SLC39A12: variants seen among roughly 807,000 people sequenced by gnomAD.
SLC39A12 encodes the protein solute carrier family 39 member 12, also known as zinc transporter ZIP12.
In SLC39A12, 63 loss-of-function variants were observed where a neutral mutation model predicts 71.1. The observed-to-expected ratio is 0.89, with a 90% CI of 0.72 to 1.09. The LOEUF (loss-of-function observed/expected upper bound fraction) is 1.09. SLC39A12 is among the 50% of genes least tolerant of loss of function. The probability of loss-of-function intolerance (pLI) is 0.00; values close to 1 mark genes in which losing one functional copy is unlikely to be tolerated. For missense variants in SLC39A12, 892 were observed against 812.6 expected (o/e 1.10, Z -1.19); for synonymous variants, 351 against 301.3 (o/e 1.16, Z -1.71).
intron 12 of SLC39A12, among the ~76,000 whole-genome samples, chr10:18,013,166 A>T (rs1836277455): frequency 6.6e-6 from 1 of 151,308 alleles, no homozygotes; most frequent in Non-Finnish European, 1.5e-5. Context: ...ATGATATTAC[A>T]ATAAGTTAAA....
rs575740915 is a variant in SLC39A12 at position 18,029,465 on chromosome 10, T to A, written c.1948-13240T>A. Among the ~76,000 whole-genome samples, 11 of 152,170 alleles carry A rather than the reference T, an allele frequency of 7.2e-5. No individual in the cohort carries two copies. The South Asian group carries it at 2.3e-3, about 32-fold the overall frequency. On this transcript the variant is annotated intron_variant, in intron 12 of 12. Transcript: ENST00000377369. ...AACTCTTTGCACCTACTGATTTAGG[T>A]TGGACAACTTGTGAAACATAGTGGT...
chr10:18,037,917 G>A (rs548914718), intron 12 of SLC39A12, among the ~76,000 whole-genome samples: 70 of 149,728 alleles, frequency 4.7e-4, no homozygotes, highest in South Asian at 8.5e-4. Flanking sequence ...CTACGTGGGC[G>A]ACTGAGGCAG....
chr10:18,037,121 T>A (rs1430451185), intron 12 of SLC39A12, among the ~76,000 whole-genome samples: 1 of 152,088 alleles, frequency 6.6e-6, no homozygotes, highest in African/African-American at 2.4e-5. Context: ...CTTTCCAAAA[T>A]TTTTTGGACC....
At chr10:17,953,941 T>G (rs546247606) in intron 2 of SLC39A12, among the ~76,000 whole-genome samples, 3 of 152,306 alleles carry the variant, frequency 2.0e-5, no homozygotes, top group South Asian at 2.1e-4. Context: ...CAACATTGGG[T>G]TTTTGAGTAC....
Position 18,003,194 on chromosome 10 carries a change from TC to T in SLC39A12, c.1784del (p.Ser595LeufsTer5). 6.2e-7 allele frequency: 1 copy of T among 1,614,102 alleles called. No individual in the cohort carries two copies. Among genetic ancestry groups the T allele is most frequent in the Non-Finnish European group, 8.5e-7 (1 of 1,180,010 alleles). ...AGGAGACTTTGCCGTGCTCTTAAGCTCTGGACTTTCTATGAAGACTGCCATC... is the reference window on the plus strand; with the variant it reads ...AGGAGACTTTGCCGTGCTCTTAAGCTTGGACTTTCTATGAAGACTGCCATC... ...EMGDFAVLLSSGLSMKTAILM... is the reference protein window; with the variant it reads ...EMGDFAVLLSXGLSMKTAILM... On this transcript the variant is annotated frameshift_variant, in exon 12 of 13. Coordinates refer to ENST00000377369, the MANE Select transcript of SLC39A12 (RefSeq NM_001145195.2). LOFTEE classifies it high-confidence loss of function.
At chr10:17,991,928 A>C (rs1321282803) in intron 8 of SLC39A12, among the ~76,000 whole-genome samples, 1 of 152,020 alleles carries the variant, frequency 6.6e-6, no homozygotes, top group Non-Finnish European at 1.5e-5. Context: ...GTCTGTACTG[A>C]AAATACAAAA....
chr10:18,007,289 T>C (rs1306749990), intron 12 of SLC39A12: 3 of 152,202 alleles, frequency 2.0e-5, no homozygotes, highest in African/African-American at 7.2e-5. Context: ...TGTTCACTGC[T>C]TTGTCCTTGT....
intron 4 of SLC39A12, among the ~76,000 whole-genome samples, chr10:17,974,008 G>T (rs545224781): frequency 4.6e-5 from 7 of 151,080 alleles, no homozygotes; most frequent in African/African-American, 1.7e-4. Context: ...AGACTCTGAT[G>T]AATTCTTCAG....
At chr10:17,960,543 G>A (rs754161752) in intron 2 of SLC39A12, among the ~76,000 whole-genome samples, 40 of 152,224 alleles carry the variant, frequency 2.6e-4, no homozygotes, top group Admixed American at 1.4e-3. Context: ...GCCAGGTATT[G>A]TGCTATATGC....
At chr10:17,990,828 G>A (rs1008069475) in intron 7 of SLC39A12, among the ~76,000 whole-genome samples, 5 of 152,194 alleles carry the variant, frequency 3.3e-5, no homozygotes, top group African/African-American at 4.8e-5. Context: ...CAATTTGGCC[G>A]AAGGACTGAG....
At chr10:18,033,037 C>T (rs1179196567) in intron 12 of SLC39A12, among the ~76,000 whole-genome samples, 2 of 151,576 alleles carry the variant, frequency 1.3e-5, no homozygotes, top group African/African-American at 4.9e-5. Flanking sequence ...GGATGTGCTG[C>T]CGGATTCGGT....
At chr10:18,042,330 T>G (rs749136680) in intron 12 of SLC39A12, among the ~76,000 whole-genome samples, 7 of 151,722 alleles carry the variant, frequency 4.6e-5, no homozygotes, top group Non-Finnish European at 7.4e-5. Context: ...AATGCAAAAA[T>G]TAGCTGGGTG....
chr10:18,023,625 G>T (rs188192856), intron 12 of SLC39A12, among the ~76,000 whole-genome samples: 1 of 152,228 alleles, frequency 6.6e-6, no homozygotes, highest in East Asian at 1.9e-4. Context: ...GGAGTCAAGG[G>T]CTCACAGGGA....
At chr10:18,021,501 T>G (rs1167262953) in intron 12 of SLC39A12, among the ~76,000 whole-genome samples, 1 of 152,032 alleles carries the variant, frequency 6.6e-6, no homozygotes, top group Non-Finnish European at 1.5e-5. Flanking sequence ...TTACTTTGAG[T>G]CTATGGGTTT....
intron 12 of SLC39A12, among the ~76,000 whole-genome samples, chr10:18,021,716 AGT>A (rs1836537534): frequency 6.6e-6 from 1 of 152,150 alleles, no homozygotes; most frequent in East Asian, 1.9e-4. Flanking sequence ...TTATAGAGTC[AGT>A]AGTCTATGTA....
At chr10:17,961,240 A>T (rs1354117635) in intron 2 of SLC39A12, among the ~76,000 whole-genome samples, 1 of 152,216 alleles carries the variant, frequency 6.6e-6, no homozygotes, top group Non-Finnish European at 1.5e-5. Flanking sequence ...CAGGAGCTAG[A>T]CCAAAAAGAA....
intron 5 of SLC39A12, among the ~76,000 whole-genome samples, chr10:17,978,276 A>G (rs1349333767): frequency 1.3e-5 from 2 of 152,222 alleles, no homozygotes; most frequent in African/African-American, 4.8e-5. Context: ...GCCAAGGTAT[A>G]TAGGGGAATG....
chr10:18,033,393 C>T (rs1265397560), intron 12 of SLC39A12, among the ~76,000 whole-genome samples: 19 of 148,022 alleles, frequency 1.3e-4, no homozygotes, highest in Admixed American at 3.4e-4. Flanking sequence ...GTGTATGTGT[C>T]GAGGAATTTA....
chr10:18,041,049 G>C (rs1837211603), intron 12 of SLC39A12, among the ~76,000 whole-genome samples: 1 of 152,114 alleles, frequency 6.6e-6, no homozygotes, highest in South Asian at 2.1e-4. Flanking sequence ...AAAATGGCAA[G>C]ATTGAGTTAA....
Sources: allele counts gnomAD v4.1 joint callset (sites outside exome capture counted in the v4.1 genomes callset), GRCh38; gene constraint gnomAD v4.1.1; transcripts MANE v1.5; gene names NCBI Gene and HGNC (gene_info 2026-07-23, HGNC 2026-07-21).